The following MAP2K6 variants were observed in gnomAD, a reference collection of about 807,000 sequenced individuals.
The protein encoded by MAP2K6 is mitogen-activated protein kinase kinase 6.
MAP2K6 carries 16 observed loss-of-function variants against 53.7 expected under a neutral mutation model. That is an observed-to-expected ratio of 0.30 (90% CI 0.20 to 0.45). The LOEUF (loss-of-function observed/expected upper bound fraction) is 0.45. MAP2K6 is among the 20% of genes least tolerant of loss of function. The pLI, the probability that MAP2K6 is intolerant of heterozygous loss-of-function variation, is 1.00. For missense variants in MAP2K6, 204 were observed against 411.9 expected (o/e 0.50, Z 4.37); for synonymous variants, 132 against 143.1 (o/e 0.92, Z 0.55).
At chr17:69,496,114 G>A (rs1055218482) in intron 1 of MAP2K6, among the ~76,000 whole-genome samples, 1 of 151,764 alleles carries the variant, frequency 6.6e-6, no homozygotes, top group African/African-American at 2.4e-5. Flanking sequence ...ACATGAAGCT[G>A]TAATAAAACC....
intron 1 of MAP2K6, among the ~76,000 whole-genome samples, chr17:69,486,847 G>C (rs1175522186): frequency 6.6e-6 from 1 of 152,148 alleles, no homozygotes; most frequent in Non-Finnish European, 1.5e-5. Context: ...CTGTAAAGCT[G>C]GTGTGGTACC....
chr17:69,427,343 G>A (rs912803748), intron 1 of MAP2K6, among the ~76,000 whole-genome samples: 3 of 152,042 alleles, frequency 2.0e-5, no homozygotes, highest in Non-Finnish European at 1.5e-5. Context: ...CTGGATATTA[G>A]CAAGGGAGTT....
intron 1 of MAP2K6, among the ~76,000 whole-genome samples, chr17:69,482,593 C>T (rs780945320): frequency 6.6e-6 from 1 of 151,518 alleles, no homozygotes; most frequent in East Asian, 1.9e-4. Context: ...TTTTGGAGAT[C>T]GTACCACATC....
In MAP2K6 at chr17:69,552,100, C is replaced by T. The variant is rs1276721720; in HGVS notation, c.*10347C>T. On this transcript the variant is annotated 3_prime_UTR_variant, in exon 12 of 12. Transcript: ENST00000590474. ...TACCTTCTGTAAATTTTGTGATAGACACATGTTATTTGTATATATGATTGA... is the reference window on the plus strand; with the variant it reads ...TACCTTCTGTAAATTTTGTGATAGATACATGTTATTTGTATATATGATTGA... 6.6e-6 allele frequency: 1 copy of T among 152,182 alleles called. No homozygotes were observed. Among genetic ancestry groups the T allele is most frequent in the East Asian group, 1.9e-4 (1 of 5,202 alleles). The allele number at this position is 152,182 out of a possible 1,614,324, so 9.4% of individuals were successfully genotyped here.
chr17:69,464,345 A>G (rs1907726210), intron 1 of MAP2K6, among the ~76,000 whole-genome samples: 1 of 151,786 alleles, frequency 6.6e-6, no homozygotes, highest in Admixed American at 6.6e-5. Context: ...CCTTATAAAC[A>G]CTCACTACTT....
chr17:69,541,748 G>T lies in MAP2K6; in HGVS notation c.1000G>T (p.Asp334Tyr). The T allele has an allele frequency of 6.2e-7, 1 of 1,611,902 alleles. No homozygotes were observed. Among genetic ancestry groups the T allele is most frequent in the South Asian group, 1.1e-5 (1 of 90,926 alleles). The part of the protein sequence containing the change: ...VASFVKLILG[D>Y] ...ATCTTTTGTAAAACTGATTCTTGGA[G>T]ACTAAAAAGCAGTGGACTTAATCGG... is the stretch of plus-strand genomic sequence containing the variant. The change falls in exon 12 of 12, where the codon GAC (aspartate) becomes TAC (tyrosine). Residue 334 changes from aspartate (D) to tyrosine (Y), a missense_variant. By Grantham distance (160) the Asp-to-Tyr change is radical. Around this residue, in one of 3 missense-constraint regions of MAP2K6, gnomAD observed 47 missense variants for 62.3 expected, o/e 0.75. Transcript: ENST00000590474.
intron 10 of MAP2K6, among the ~76,000 whole-genome samples, chr17:69,528,775 C>T (rs1451771711): frequency 7.1e-6 from 1 of 140,132 alleles, no homozygotes; most frequent in Non-Finnish European, 1.5e-5. Flanking sequence ...AGGAGAATTG[C>T]TTGAACCTAG....
intron 1 of MAP2K6, among the ~76,000 whole-genome samples, chr17:69,474,867 TCCATC>T (rs1271732631): frequency 1.3e-5 from 2 of 152,224 alleles, no homozygotes; most frequent in Non-Finnish European, 1.5e-5. Context: ...GGACTCCTGC[TCCATC>T]CCCTTTTTTC....
rs115679657 is a variant in MAP2K6 at position 69,518,967 on chromosome 17, C to T, written c.247-346C>T. 5.2e-3 allele frequency among the ~76,000 whole-genome samples: 797 copies of T among 152,290 alleles called. 8 individuals are homozygous for T. The highest frequency in any genetic ancestry group is 0.018 in the African/African-American group (765 of 41,560). Reference sequence around the variant, plus strand: ...TTTGGCTTTTTATTTTCTTGGGACCCCAGATAAGCAGCAAAGTCCTTAATA... The same window carrying T: ...TTTGGCTTTTTATTTTCTTGGGACCTCAGATAAGCAGCAAAGTCCTTAATA... On this transcript the variant is annotated intron_variant, in intron 4 of 11. Transcript: ENST00000590474.
intron 1 of MAP2K6, among the ~76,000 whole-genome samples, chr17:69,481,534 C>A (rs1908351371): frequency 6.6e-6 from 1 of 152,188 alleles, no homozygotes; most frequent in Non-Finnish European, 1.5e-5. Flanking sequence ...AGTCCCTAGA[C>A]TGAGTGACTT....
In MAP2K6 at chr17:69,546,737, G is replaced by A. The variant is rs2144886360; in HGVS notation, c.*4984G>A. On this transcript the variant is annotated 3_prime_UTR_variant, in exon 12 of 12. Coordinates refer to ENST00000590474, the MANE Select transcript of MAP2K6 (RefSeq NM_002758.4). ...TAAATGTCAATTGTGCTGGGATTTT[G>A]CCTTAACATCTATCTATGACTTGAA... 6.6e-6 allele frequency: 1 copy of A among 152,182 alleles called. No individual in the cohort carries two copies. The highest frequency in any genetic ancestry group is 2.1e-4 in the South Asian group (1 of 4,814). The allele number at this position is 152,182 out of a possible 1,614,324, so 9.4% of individuals were successfully genotyped here.
chr17:69,445,889 C>T (rs1331221420), intron 1 of MAP2K6, among the ~76,000 whole-genome samples: 1 of 152,116 alleles, frequency 6.6e-6, no homozygotes, highest in Non-Finnish European at 1.5e-5. Context: ...TTGTGCAGGT[C>T]TCTTTTTCTT....
intron 7 of MAP2K6, among the ~76,000 whole-genome samples, chr17:69,522,891 A>AG (rs960455798): frequency 1.4e-5 from 1 of 73,418 alleles, no homozygotes; most frequent in African/African-American, 6.6e-5. Context: ...CCTGTCTGTC[A>AG]AAAAAAAAAA....
At chr17:69,459,115 G>A (rs1220017628) in intron 1 of MAP2K6, among the ~76,000 whole-genome samples, 1 of 152,158 alleles carries the variant, frequency 6.6e-6, no homozygotes, top group African/African-American at 2.4e-5. Context: ...GTTGGTCACT[G>A]AAAGTTTTTA....
intron 7 of MAP2K6, chr17:69,521,810 A>AAC (rs1188130621): frequency 0.014 from 1,910 of 137,684 alleles, 53 homozygotes; most frequent in African/African-American, 0.054. Context: ...AATGTACAAA[A>AAC]AAAAAAAAAA....
chr17:69,453,382 G>A (rs150459781), intron 1 of MAP2K6, among the ~76,000 whole-genome samples: 134 of 152,328 alleles, frequency 8.8e-4, no homozygotes, highest in African/African-American at 3.1e-3. Flanking sequence ...ACCAAAAGAG[G>A]TGGTGGGCCA....
chr17:69,551,201 A>G lies in MAP2K6; in HGVS notation c.*9448A>G, dbSNP rs997708611. The G allele has an allele frequency of 3.9e-5, 6 of 152,204 alleles. No homozygotes were observed. The highest frequency in any genetic ancestry group is 2.6e-4 in the Admixed American group (4 of 15,286). 9.4% of individuals were successfully genotyped at this position (152,204 alleles called of 1,614,324 possible). A position where few individuals can be genotyped will look rare whatever the true frequency, so the allele number is the denominator to read the frequency against. On this transcript the variant is annotated 3_prime_UTR_variant, in exon 12 of 12. Transcript: ENST00000590474. ...GAGGCAGGAGTTACCGTTTTTGTTC[A>G]TTGACCTATCAGAAAAAAGCAAATC...
chr17:69,514,562 T>G (rs1910039835), intron 2 of MAP2K6, among the ~76,000 whole-genome samples: 1 of 152,162 alleles, frequency 6.6e-6, no homozygotes, highest in Non-Finnish European at 1.5e-5. Flanking sequence ...TTTCTCTTTT[T>G]TTTTGTTTTG....
intron 1 of MAP2K6, among the ~76,000 whole-genome samples, chr17:69,440,236 C>G (rs964723935): frequency 6.6e-6 from 1 of 152,098 alleles, no homozygotes; most frequent in Admixed American, 6.6e-5. Context: ...TTAGTAGAGA[C>G]AGGGTTTCAC....
Sources: allele counts gnomAD v4.1 joint callset (sites outside exome capture counted in the v4.1 genomes callset), GRCh38; gene constraint gnomAD v4.1.1; regional missense constraint gnomAD v4.1.1; transcripts MANE v1.5; gene names NCBI Gene and HGNC (gene_info 2026-07-23, HGNC 2026-07-21).